C16orf74: variants seen among roughly 807,000 people sequenced by gnomAD.
C16orf74 encodes the protein uncharacterized protein C16orf74.
In C16orf74, 10 loss-of-function variants were observed where a neutral mutation model predicts 6.5. The observed-to-expected ratio is 1.54, with a 90% CI of 0.95 to 2.61. The LOEUF (loss-of-function observed/expected upper bound fraction) is 2.61, where lower values mean the gene tolerates loss of function less well. Among genes scored for constraint, C16orf74 ranks in the 30% most tolerant of loss-of-function variants. C16orf74 has a pLI of 0.00. For missense variants in C16orf74, 141 were observed against 105.9 expected (o/e 1.33, Z -1.45); for synonymous variants, 60 against 42.5 (o/e 1.41, Z -1.60).
At chr16:85,744,162 T>G (rs1389715602) in intron 1 of C16orf74, 2 of 120,256 alleles carry the variant, frequency 1.7e-5, no homozygotes, top group African/African-American at 3.3e-5. Context: ...GAGGCGGAGG[T>G]AGCGGTGAGC....
intron 2 of C16orf74, among the ~76,000 whole-genome samples, chr16:85,722,282 C>T (rs929757608): frequency 3.3e-5 from 5 of 152,132 alleles, no homozygotes; most frequent in African/African-American, 7.2e-5. Context: ...ATAATTAGCA[C>T]CATTATTACT....
intron 1 of C16orf74, among the ~76,000 whole-genome samples, chr16:85,737,082 A>G (rs934686350): frequency 1.3e-5 from 2 of 152,064 alleles, no homozygotes; most frequent in African/African-American, 4.8e-5. Flanking sequence ...GGCACATAAC[A>G]GTCTCATTGA....
intron 1 of C16orf74, among the ~76,000 whole-genome samples, chr16:85,742,644 C>G (rs894900139): frequency 6.6e-6 from 1 of 152,112 alleles, no homozygotes; most frequent in Non-Finnish European, 1.5e-5. Flanking sequence ...TGGGTTCAAG[C>G]GATTCTCCTG....
intron 2 of C16orf74, among the ~76,000 whole-genome samples, chr16:85,718,377 A>C (rs1401997039): frequency 6.6e-6 from 1 of 152,174 alleles, no homozygotes; most frequent in Non-Finnish European, 1.5e-5. Flanking sequence ...GATTCTTTTA[A>C]AAACAGCGTT....
chr16:85,746,309 C>T (rs576414392), intron 1 of C16orf74, among the ~76,000 whole-genome samples: 1 of 152,142 alleles, frequency 6.6e-6, no homozygotes, highest in East Asian at 1.9e-4. Context: ...GAGATCGCGC[C>T]ACTGCACTCA....
chr16:85,734,565 G>A (rs372507), intron 2 of C16orf74, among the ~76,000 whole-genome samples: 145,118 of 152,246 alleles, frequency 0.95, 69,553 homozygotes, highest in East Asian at 1. Context: ...ACCAGGGGCC[G>A]CCCACGTGAC....
intron 1 of C16orf74, among the ~76,000 whole-genome samples, chr16:85,744,968 C>A (rs1213218910): frequency 6.6e-6 from 1 of 151,118 alleles, no homozygotes; most frequent in African/African-American, 2.4e-5. Context: ...ATGCAGAAAG[C>A]CCATCTCTAC....
chr16:85,730,964 C>G (rs1339428002), intron 2 of C16orf74, among the ~76,000 whole-genome samples: 5 of 152,044 alleles, frequency 3.3e-5, no homozygotes, highest in African/African-American at 1.2e-4. Flanking sequence ...TTGGAATATA[C>G]TGAATTAAAT....
chr16:85,745,273 G>A (rs1046736108), intron 1 of C16orf74, among the ~76,000 whole-genome samples: 2 of 151,956 alleles, frequency 1.3e-5, no homozygotes, highest in African/African-American at 4.8e-5. Context: ...CCTCCTGAGG[G>A]GTGGCAAGAC....
intron 2 of C16orf74, among the ~76,000 whole-genome samples, chr16:85,734,475 C>A (rs1344376577): frequency 6.6e-6 from 1 of 152,064 alleles, no homozygotes; most frequent in Admixed American, 6.5e-5. Flanking sequence ...CCGGGGCAGG[C>A]TAGAAGCTTG....
intron 3 of C16orf74, 131 bp from the exon 4 acceptor site, chr16:85,708,197 G>A: frequency 1.3e-6 from 1 of 750,056 alleles, no homozygotes; most frequent in Non-Finnish European, 2.2e-6. Context: ...GCTGAGATGG[G>A]ACCCAGCCCA....
intron 2 of C16orf74, among the ~76,000 whole-genome samples, chr16:85,731,506 G>C (rs1442498955): frequency 6.6e-6 from 1 of 152,156 alleles, no homozygotes; most frequent in East Asian, 1.9e-4. Flanking sequence ...TAGAGCAGAG[G>C]GGCAGAGGGC....
At chr16:85,732,469 C>G (rs2054199496) in intron 2 of C16orf74, among the ~76,000 whole-genome samples, 1 of 151,738 alleles carries the variant, frequency 6.6e-6, no homozygotes, top group Non-Finnish European at 1.5e-5. Flanking sequence ...AGTTCAAGAC[C>G]AGCCTGGACA....
At chr16:85,710,409 C>G (rs529091049) in intron 2 of C16orf74, 102 bp from the exon 3 acceptor site, 1 of 1,189,720 alleles carries the variant, frequency 8.4e-7, no homozygotes, top group African/African-American at 1.6e-5. Context: ...TTCACTATCA[C>G]CTGGGTCCTG....
At chr16:85,741,735 C>T (rs2054310819) in intron 1 of C16orf74, 1 of 169,098 alleles carries the variant, frequency 5.9e-6, no homozygotes, top group Non-Finnish European at 1.5e-5. Flanking sequence ...GCTGTGCCAC[C>T]TCAAGCAGGT....
At chr16:85,726,083 T>C (rs2054129920) in intron 2 of C16orf74, among the ~76,000 whole-genome samples, 1 of 152,148 alleles carries the variant, frequency 6.6e-6, no homozygotes, top group East Asian at 1.9e-4. Flanking sequence ...GTTCCCTGCA[T>C]CCACATGGCT....
chr16:85,720,857 G>A (rs1219235042), intron 2 of C16orf74, among the ~76,000 whole-genome samples: 1 of 151,712 alleles, frequency 6.6e-6, no homozygotes, highest in African/African-American at 2.4e-5. Context: ...GGAGGCCGAG[G>A]CGGGTGGATC....
At chr16:85,741,863 A>C (rs1336008384) in intron 1 of C16orf74, among the ~76,000 whole-genome samples, 1 of 152,166 alleles carries the variant, frequency 6.6e-6, no homozygotes, top group African/African-American at 2.4e-5. Context: ...TGTCACCATC[A>C]TCTTCATCAT....
At chr16:85,715,691 G>C (rs1331467552) in intron 2 of C16orf74, among the ~76,000 whole-genome samples, 1 of 152,192 alleles carries the variant, frequency 6.6e-6, no homozygotes, top group Admixed American at 6.5e-5. Flanking sequence ...GCAGGCATCA[G>C]GCAGGATTGG....
Sources: gnomAD v4.1 joint callset for allele counts (sites outside exome capture counted in the v4.1 genomes callset) on GRCh38, gnomAD v4.1.1 for gene constraint, MANE v1.5 for transcripts, NCBI Gene and HGNC (gene_info 2026-07-23, HGNC 2026-07-21) for gene names.